The following GALNTL6 variants were observed in gnomAD, a reference collection of about 807,000 sequenced individuals.
GALNTL6 encodes the protein polypeptide N-acetylgalactosaminyltransferase-like 6.
Under a neutral mutation model 73.7 loss-of-function variants are expected in GALNTL6, and 46 were observed. The observed-to-expected ratio is 0.62, with a 90% CI of 0.49 to 0.80. GALNTL6 has a LOEUF of 0.80. Among genes scored for constraint, GALNTL6 ranks in the 30% least tolerant of loss-of-function variants. GALNTL6 has a pLI of 0.00. For synonymous variants in GALNTL6, 259 were observed against 263.7 expected (o/e 0.98, Z 0.17); for missense variants, 604 against 755.0 (o/e 0.80, Z 2.34).
At chr4:172,698,700 T>C (rs1323770854) in intron 5 of GALNTL6, among the ~76,000 whole-genome samples, 1 of 152,098 alleles carries the variant, frequency 6.6e-6, no homozygotes, top group East Asian at 1.9e-4. Context: ...TCACATAAAT[T>C]CTCCACATGG....
At chr4:172,385,926 T>C (rs1579021930) in intron 5 of GALNTL6, among the ~76,000 whole-genome samples, 2 of 152,044 alleles carry the variant, frequency 1.3e-5, no homozygotes, top group Admixed American at 6.6e-5. Flanking sequence ...CACATATATA[T>C]ATTTTTCTAA....
At chr4:172,609,390 A>G (rs1186162234) in intron 5 of GALNTL6, among the ~76,000 whole-genome samples, 1 of 152,104 alleles carries the variant, frequency 6.6e-6, no homozygotes, top group African/African-American at 2.4e-5. Flanking sequence ...TTCTGCATCT[A>G]TTGAGATAAT....
At chr4:172,105,481 C>T (rs1732650681) in intron 2 of GALNTL6, among the ~76,000 whole-genome samples, 1 of 151,436 alleles carries the variant, frequency 6.6e-6, no homozygotes, top group South Asian at 2.1e-4. Context: ...GATACGCTCT[C>T]ATATTTAGGA....
chr4:172,782,967 G>C (rs1206150880), intron 5 of GALNTL6, among the ~76,000 whole-genome samples: 1 of 151,056 alleles, frequency 6.6e-6, no homozygotes, highest in Admixed American at 6.6e-5. Context: ...CCAGGACAAA[G>C]CCCAAAATGC....
At chr4:173,019,705 C>A (rs556646654) in intron 11 of GALNTL6, among the ~76,000 whole-genome samples, 27 of 152,338 alleles carry the variant, frequency 1.8e-4, no homozygotes, top group Middle Eastern at 3.4e-3. Flanking sequence ...ATGAAATCTT[C>A]TCTTTTATCC....
rs140445939 is a variant in GALNTL6 at position 172,776,058 on chromosome 4, G to A, written c.554-33303G>A. On this transcript the variant is annotated intron_variant, in intron 5 of 12. Coordinates refer to ENST00000506823, the MANE Select transcript of GALNTL6 (RefSeq NM_001034845.3). ...CAGCTGATACCTTGATTGCAGTCAC[G>A]TGAGACTCTAATCATAGGATCCAGT... Among the ~76,000 whole-genome samples the A allele has an allele frequency of 4.2e-3, 640 of 152,274 alleles. 5 individuals are homozygous for A. The highest frequency in any genetic ancestry group is 0.014 in the African/African-American group (590 of 41,544).
At chr4:172,602,932 G>A (rs758905180) in intron 5 of GALNTL6, among the ~76,000 whole-genome samples, 4 of 152,114 alleles carry the variant, frequency 2.6e-5, no homozygotes, top group African/African-American at 4.8e-5. Flanking sequence ...CAATATGGGT[G>A]AATACCAAAA....
At chr4:171,815,653 T>G (rs1169929996) in intron 2 of GALNTL6, 3 of 152,248 alleles carry the variant, frequency 2.0e-5, no homozygotes, top group Non-Finnish European at 4.4e-5. Flanking sequence ...CACCTTGGAA[T>G]ATTAATATTC....
At chr4:172,057,405 A>C (rs1288870320) in intron 2 of GALNTL6, among the ~76,000 whole-genome samples, 1 of 151,824 alleles carries the variant, frequency 6.6e-6, no homozygotes, top group African/African-American at 2.4e-5. Flanking sequence ...AAAAAAGTGT[A>C]GGCCAAGCAT....
intron 10 of GALNTL6, among the ~76,000 whole-genome samples, chr4:172,978,205 C>T (rs1365854004): frequency 6.6e-6 from 1 of 152,142 alleles, no homozygotes; most frequent in Non-Finnish European, 1.5e-5. Flanking sequence ...GGAGAAATTT[C>T]TTACTGGATA....
intron 2 of GALNTL6, among the ~76,000 whole-genome samples, chr4:172,059,746 G>A (rs577622443): frequency 6.6e-6 from 1 of 152,280 alleles, no homozygotes; most frequent in South Asian, 2.1e-4. Flanking sequence ...TTTTACTCAT[G>A]CTATGTTTAT....
intron 2 of GALNTL6, among the ~76,000 whole-genome samples, chr4:172,053,699 A>T (rs1472055703): frequency 6.6e-6 from 1 of 152,248 alleles, no homozygotes; most frequent in Non-Finnish European, 1.5e-5. Context: ...CACTTCAATC[A>T]GAAAGAAACA....
chr4:172,251,650 G>T (rs1737875484), intron 3 of GALNTL6, among the ~76,000 whole-genome samples: 1 of 152,136 alleles, frequency 6.6e-6, no homozygotes, highest in Non-Finnish European at 1.5e-5. Flanking sequence ...ATGACTTAAT[G>T]ACTTCTCACC....
chr4:172,294,312 A>G (rs1021682337), intron 3 of GALNTL6, among the ~76,000 whole-genome samples: 2 of 152,172 alleles, frequency 1.3e-5, no homozygotes, highest in Non-Finnish European at 2.9e-5. Flanking sequence ...TCATGCTTCA[A>G]ATGACATTTA....
chr4:172,397,991 A>T (rs1456289366), intron 5 of GALNTL6, among the ~76,000 whole-genome samples: 1 of 151,664 alleles, frequency 6.6e-6, no homozygotes, highest in Non-Finnish European at 1.5e-5. Flanking sequence ...ATTCTTTATT[A>T]TTCTTAACTC....
At chr4:172,953,106 T>C (rs1048735117) in intron 10 of GALNTL6, among the ~76,000 whole-genome samples, 1 of 152,196 alleles carries the variant, frequency 6.6e-6, no homozygotes, top group Non-Finnish European at 1.5e-5. Flanking sequence ...ACATTGATTC[T>C]TTAAATAAGC....
chr4:172,747,481 C>A (rs1230115785), intron 5 of GALNTL6, among the ~76,000 whole-genome samples: 3 of 152,070 alleles, frequency 2.0e-5, no homozygotes, highest in African/African-American at 7.2e-5. Flanking sequence ...CACCTCACAT[C>A]TGTCAGACTG....
chr4:172,876,710 C>A (rs932572867), intron 7 of GALNTL6, among the ~76,000 whole-genome samples: 6 of 152,150 alleles, frequency 3.9e-5, no homozygotes, highest in Non-Finnish European at 7.4e-5. Flanking sequence ...AATTTCTAGA[C>A]ATGAATTATA....
At position 172,467,104 on chromosome 4, in the gene GALNTL6, C is replaced by T. The variant is rs77770040; in HGVS notation, c.553+118415C>T. Among the ~76,000 whole-genome samples the T allele has an allele frequency of 4.7e-3, 722 of 152,152 alleles. 6 individuals are homozygous for T. The highest frequency in any genetic ancestry group is 0.016 in the African/African-American group (664 of 41,510). ...TAGGGCATAGAAACTCAAAGCAGTA[C>T]ACTAGAATGAAAAAGATTATTTGTA... On this transcript the variant is annotated intron_variant, in intron 5 of 12. Coordinates refer to ENST00000506823, the MANE Select transcript of GALNTL6 (RefSeq NM_001034845.3).
Sources: allele counts gnomAD v4.1 joint callset (sites outside exome capture counted in the v4.1 genomes callset), GRCh38; gene constraint gnomAD v4.1.1; transcripts MANE v1.5; gene names NCBI Gene and HGNC (gene_info 2026-07-23, HGNC 2026-07-21).